Variants in FER1L6 observed in about 807,000 individuals in gnomAD.
FER1L6 encodes fer-1-like protein 6.
A neutral mutation model predicts 219.2 loss-of-function variants in FER1L6; 177 were observed. The observed-to-expected ratio is 0.81, with a 90% confidence interval of 0.71 to 0.91. The LOEUF is 0.91. FER1L6 is among the 40% of genes least tolerant of loss of function. The probability of loss-of-function intolerance (pLI) is 0.00; values close to 1 mark genes in which losing one functional copy is unlikely to be tolerated. For synonymous variants in FER1L6, 768 were observed against 824.3 expected (o/e 0.93, Z 1.17); for missense variants, 2,153 against 2,259.9 (o/e 0.95, Z 0.96).
At chr8:123,962,495 TTCTGTCAG>T (rs369690650) in intron 2 of FER1L6, among the ~76,000 whole-genome samples, 78 of 152,158 alleles carry the variant, frequency 5.1e-4, no homozygotes, top group African/African-American at 1.9e-3. Flanking sequence ...ACAGGGTCCA[TTCTGTCAG>T]TCTTATGATC....
intron 39 of FER1L6, 44 bp downstream of exon 39, chr8:124,103,353 G>C: frequency 6.3e-7 from 1 of 1,582,304 alleles, no homozygotes; most frequent in Admixed American, 1.7e-5. Flanking sequence ...GGGAAGTTGG[G>C]GGCATCATGC....
intron 1 of FER1L6, among the ~76,000 whole-genome samples, chr8:123,895,373 T>C (rs1162781024): frequency 2.6e-5 from 4 of 152,200 alleles, no homozygotes; most frequent in Admixed American, 2.0e-4. Flanking sequence ...TTGGAGAAAC[T>C]TGAATAGGGT....
chr8:123,866,731 C>T (rs1816844165), intron 1 of FER1L6, among the ~76,000 whole-genome samples: 1 of 152,124 alleles, frequency 6.6e-6, no homozygotes, highest in Non-Finnish European at 1.5e-5. Flanking sequence ...GATCCTCCTG[C>T]CTCAGCCTCC....
At chr8:124,074,661 A>G (rs895528775) in intron 31 of FER1L6, among the ~76,000 whole-genome samples, 4 of 152,052 alleles carry the variant, frequency 2.6e-5, no homozygotes, top group African/African-American at 9.7e-5. Context: ...AAAAAAAAAA[A>G]AAAAAGAAAA....
rs964734804 is a variant in FER1L6 at position 124,111,141 on chromosome 8, A to C, written c.5290-7703A>C. Among the ~76,000 whole-genome samples the C allele has an allele frequency of 5.3e-5, 8 of 152,266 alleles. No individual in the cohort carries two copies. The highest frequency in any genetic ancestry group is 1.0e-4 in the Non-Finnish European group (7 of 68,052). ...ACAATTTATATACGTTACAGAGAGAAGAGAAAGTACTTACAACTTTTCTAA... is the reference window on the plus strand; with the variant it reads ...ACAATTTATATACGTTACAGAGAGACGAGAAAGTACTTACAACTTTTCTAA... On this transcript the variant is annotated intron_variant, in intron 39 of 40. Transcript: ENST00000522917. The surrounding 1 kb of genome is among the most constrained non-coding windows in gnomAD (Gnocchi z 5.0).
At chr8:123,978,641 A>T (rs1478920785) in intron 10 of FER1L6, among the ~76,000 whole-genome samples, 3 of 147,184 alleles carry the variant, frequency 2.0e-5, no homozygotes, top group Non-Finnish European at 4.4e-5. Flanking sequence ...ACATATAATC[A>T]CACATACATA....
At chr8:123,997,198 G>A (rs954028536) in intron 12 of FER1L6, among the ~76,000 whole-genome samples, 1 of 152,126 alleles carries the variant, frequency 6.6e-6, no homozygotes, top group Non-Finnish European at 1.5e-5. Flanking sequence ...TAGGTCTAGT[G>A]TCAATGAAAT....
At chr8:124,073,421 T>C (rs926802465) in intron 31 of FER1L6, among the ~76,000 whole-genome samples, 1 of 152,190 alleles carries the variant, frequency 6.6e-6, no homozygotes, top group African/African-American at 2.4e-5. Context: ...ATACTTTTCA[T>C]TGATATTTCT....
At chr8:123,924,179 G>A (rs1470746717) in intron 1 of FER1L6, among the ~76,000 whole-genome samples, 1 of 134,840 alleles carries the variant, frequency 7.4e-6, no homozygotes, top group African/African-American at 2.8e-5. Context: ...AGGTTGCAGT[G>A]AACTGAGATC....
At chr8:123,992,791 C>G (rs1018064578) in intron 12 of FER1L6, among the ~76,000 whole-genome samples, 2 of 151,988 alleles carry the variant, frequency 1.3e-5, no homozygotes. Context: ...CCTTGAGGTG[C>G]GACATTGGGT....
At chr8:123,934,929 C>T (rs1323979683) in intron 1 of FER1L6, among the ~76,000 whole-genome samples, 2 of 152,166 alleles carry the variant, frequency 1.3e-5, no homozygotes, top group Non-Finnish European at 2.9e-5. Flanking sequence ...GCTTGCTTCC[C>T]CTTCTACCAT....
chr8:124,034,168 G>A (rs536933250), intron 18 of FER1L6, among the ~76,000 whole-genome samples: 12 of 151,876 alleles, frequency 7.9e-5, no homozygotes, highest in African/African-American at 2.9e-4. Context: ...AAAAGAAGAA[G>A]AAGAAGAAAA....
chr8:123,896,211 G>C (rs754231188), intron 1 of FER1L6, among the ~76,000 whole-genome samples: 1 of 152,172 alleles, frequency 6.6e-6, no homozygotes, highest in Non-Finnish European at 1.5e-5. Flanking sequence ...ACAGGGAAAT[G>C]CACTCAGCCC....
intron 9 of FER1L6, among the ~76,000 whole-genome samples, chr8:123,976,506 C>CT (rs200649641): frequency 2.7e-5 from 4 of 147,834 alleles, no homozygotes; most frequent in African/African-American, 5.0e-5. Flanking sequence ...AAGACTCTGT[C>CT]TTTAAAAAAA....
chr8:124,072,000 G>A (rs565009143), intron 31 of FER1L6, among the ~76,000 whole-genome samples: 3 of 152,304 alleles, frequency 2.0e-5, no homozygotes, highest in South Asian at 4.1e-4. Context: ...TCCAACTACA[G>A]TCACCTTAGG....
intron 1 of FER1L6, among the ~76,000 whole-genome samples, chr8:123,885,079 G>A (rs1345920302): frequency 6.6e-6 from 1 of 152,142 alleles, no homozygotes; most frequent in Non-Finnish European, 1.5e-5. Context: ...GCCACAGGAT[G>A]CCAAGGACTG....
In FER1L6 at chr8:124,069,392, G is replaced by A. The variant is rs1820969431; in HGVS notation, c.3751G>A (p.Glu1251Lys). 2 of 1,612,890 alleles carry A rather than the reference G, an allele frequency of 1.2e-6. No homozygotes were observed. Among genetic ancestry groups the A allele is most frequent in the South Asian group, 1.1e-5 (1 of 90,796 alleles). The stretch of plus-strand genomic sequence containing the variant: ...GCCAGATGAGGTAGTGGTAGATATA[G>A]AAGATGGGCCAAAGAAGAAGAAAGA... ...AKPDEVVVDI[E>K]DGPKKKKDKM... Residue 1251 changes from glutamate to lysine, a missense_variant, in exon 29 of 41, where the codon GAA becomes AAA. By Grantham distance (56) the Glu-to-Lys change is moderately conservative (BLOSUM62 1). Transcript: ENST00000522917.
At position 124,017,721 on chromosome 8, in the gene FER1L6, A is replaced by G; in HGVS notation, c.2013+3A>G. 1.9e-6 allele frequency: 3 copies of G among 1,611,492 alleles called. No homozygotes were observed. Among genetic ancestry groups the G allele is most frequent in the Non-Finnish European group, 2.5e-6 (3 of 1,177,816 alleles). On this transcript the variant is annotated splice_donor_region_variant and intron_variant, in intron 16 of 40. Transcript: ENST00000522917. ...TTACGCTCTGCTGGCAGGAGCTGGT[A>G]TGTGAAAATCTATTTATACTTTGTG...
At chr8:124,020,212 G>C (rs2130623359) in intron 16 of FER1L6, among the ~76,000 whole-genome samples, 1 of 152,256 alleles carries the variant, frequency 6.6e-6, no homozygotes, top group African/African-American at 2.4e-5. Flanking sequence ...CCTTCCCCAT[G>C]ATTCTCCCCA....
Sources: gnomAD v4.1 joint callset for allele counts (sites outside exome capture counted in the v4.1 genomes callset) on GRCh38, gnomAD v4.1.1 for gene constraint, Gnocchi (gnomAD v3.1) non-coding constraint, MANE v1.5 for transcripts, NCBI Gene and HGNC (gene_info 2026-07-23, HGNC 2026-07-21) for gene names.